The following CYFIP1 variants were observed in gnomAD, a reference collection of about 807,000 sequenced individuals.
CYFIP1 encodes cytoplasmic FMR1-interacting protein 1.
In CYFIP1, 58 loss-of-function variants were observed where a neutral mutation model predicts 163.5. The observed-to-expected ratio is 0.35, with a 90% CI of 0.29 to 0.44. The LOEUF (loss-of-function observed/expected upper bound fraction) is 0.44, where lower values mean the gene tolerates loss of function less well. Ranked by LOEUF, CYFIP1 falls within the 20% of genes least tolerant of loss-of-function variation. The pLI is 1.00. For synonymous variants in CYFIP1, 663 were observed against 660.7 expected (o/e 1.00, Z -0.05); for missense variants, 1,338 against 1,653.8 (o/e 0.81, Z 3.31).
chr15:22,967,543 C>G (rs949628242), intron 1 of CYFIP1, among the ~76,000 whole-genome samples: 1 of 152,184 alleles, frequency 6.6e-6, no homozygotes, highest in East Asian at 1.9e-4. Flanking sequence ...TTCACACACA[C>G]TTCCAGGGCC....
chr15:22,967,233 C>G (rs2062942991), intron 1 of CYFIP1, among the ~76,000 whole-genome samples: 2 of 152,160 alleles, frequency 1.3e-5, no homozygotes, highest in Non-Finnish European at 2.9e-5. Context: ...ATGGGCAGGT[C>G]ACCCACCACC....
At chr15:22,883,090 AACAC>A (rs756895689) in intron 23 of CYFIP1, 79 bp from the exon 24 acceptor site, 26 of 1,523,578 alleles carry the variant, frequency 1.7e-5, no homozygotes, top group Non-Finnish European at 2.3e-5. Flanking sequence ...AAGATCACTC[AACAC>A]ACACAGGCTC....
rs537205880 is a variant in CYFIP1 at position 22,939,835 on chromosome 15, G to C, written c.570-328C>G. On this transcript the variant is annotated intron_variant, in intron 6 of 30. Coordinates refer to ENST00000617928, the MANE Select transcript of CYFIP1 (RefSeq NM_014608.6). The stretch of plus-strand genomic sequence containing the variant: ...TGGTGGACGCCCACCTCATCTAGGG[G>C]GCACAGGGCTCCTGGACCCCGAGTC... 6.6e-4 allele frequency among the ~76,000 whole-genome samples: 100 copies of C among 152,084 alleles called. 1 individual carries two copies. Among genetic ancestry groups the C allele is most frequent in the Non-Finnish European group, 1.2e-3 (82 of 68,024 alleles).
In CYFIP1 at chr15:22,868,063, C is replaced by G. The variant is rs2059259767; in HGVS notation, c.*1965G>C. 1 of 152,224 alleles carries G rather than the reference C, an allele frequency of 6.6e-6. No homozygotes were observed. Among genetic ancestry groups the G allele is most frequent in the South Asian group, 2.1e-4 (1 of 4,834 alleles). The allele number at this position is 152,224 out of a possible 1,614,324, so 9.4% of individuals were successfully genotyped here. A position where few individuals can be genotyped will look rare whatever the true frequency, so the allele number is the denominator to read the frequency against. ...CCTGTGGCTCCTGCCTGGAGGTTAC[C>G]CAGTGGTGCGCCAGCGCCAAGCCAT... On this transcript the variant is annotated 3_prime_UTR_variant, in exon 31 of 31. Transcript: ENST00000617928.
intron 12 of CYFIP1, among the ~76,000 whole-genome samples, chr15:22,926,998 C>A (rs2061376473): frequency 6.6e-6 from 1 of 152,092 alleles, no homozygotes. Context: ...CCCTATTATG[C>A]ATCAATACAA....
chr15:22,922,883 T>G (rs375827596), intron 13 of CYFIP1, among the ~76,000 whole-genome samples: 1 of 151,814 alleles, frequency 6.6e-6, no homozygotes, highest in Non-Finnish European at 1.5e-5. Flanking sequence ...TCCCAGCTAC[T>G]TGGGAGGCTG....
intron 23 of CYFIP1, among the ~76,000 whole-genome samples, chr15:22,885,487 C>G (rs140124188): frequency 1.2e-4 from 19 of 152,144 alleles, no homozygotes; most frequent in Admixed American, 2.0e-4. Flanking sequence ...AATCCTAGCA[C>G]GTTGGGAGGC....
chr15:22,928,389 TAATAAATAAATAAATA>T (rs200548603), intron 11 of CYFIP1, among the ~76,000 whole-genome samples: 47,788 of 147,506 alleles, frequency 0.32, 8,290 homozygotes, highest in East Asian at 0.48. Flanking sequence ...TCTCAAAAAA[TAATAAATAAATAAATA>T]AATAAATAAA....
At chr15:22,973,912 G>A (rs1237123653) in intron 1 of CYFIP1, among the ~76,000 whole-genome samples, 1 of 152,122 alleles carries the variant, frequency 6.6e-6, no homozygotes, top group Non-Finnish European at 1.5e-5. Flanking sequence ...TGGCCAACAG[G>A]TGTATGAAAA....
At chr15:22,973,735 T>C (rs1041091427) in intron 1 of CYFIP1, among the ~76,000 whole-genome samples, 4 of 152,178 alleles carry the variant, frequency 2.6e-5, no homozygotes, top group African/African-American at 9.7e-5. Context: ...CTAAAAATGT[T>C]CTGCACAGCA....
chr15:22,933,445 G>C (rs2142235617), intron 10 of CYFIP1, among the ~76,000 whole-genome samples: 1 of 151,784 alleles, frequency 6.6e-6, no homozygotes, highest in East Asian at 1.9e-4. Context: ...CTCCCAAGTA[G>C]CTGGGACTAC....
At chr15:22,949,576 C>CA (rs1230794408) in intron 1 of CYFIP1, among the ~76,000 whole-genome samples, 2 of 152,008 alleles carry the variant, frequency 1.3e-5, no homozygotes, top group South Asian at 2.1e-4. Flanking sequence ...CGGTTAAAAG[C>CA]AAAAATCAAA....
intron 26 of CYFIP1, among the ~76,000 whole-genome samples, chr15:22,876,685 G>A (rs1435075950): frequency 6.6e-6 from 1 of 152,006 alleles, no homozygotes; most frequent in Non-Finnish European, 1.5e-5. Context: ...CACAAAATTA[G>A]CCGGGTGTGG....
chr15:22,898,899 G>A (rs1019956128), intron 22 of CYFIP1, among the ~76,000 whole-genome samples: 4 of 152,024 alleles, frequency 2.6e-5, no homozygotes, highest in Admixed American at 6.5e-5. Context: ...CTAATCGGGA[G>A]GCTAAGGCAG....
chr15:22,955,359 G>A (rs2062408869), intron 1 of CYFIP1, among the ~76,000 whole-genome samples: 1 of 152,222 alleles, frequency 6.6e-6, no homozygotes, highest in Admixed American at 6.5e-5. Context: ...CCAGTGCCGG[G>A]TGCCCACCCA....
At chr15:22,975,465 A>AAAG (rs2063236579) in intron 1 of CYFIP1, among the ~76,000 whole-genome samples, 1 of 135,128 alleles carries the variant, frequency 7.4e-6, no homozygotes, top group Non-Finnish European at 1.6e-5. Flanking sequence ...AAAAAAAAAA[A>AAAG]GGTTAAAGGC....
intron 22 of CYFIP1, 137 bp from the exon 23 acceptor site, chr15:22,893,114 G>C: frequency 4.6e-6 from 3 of 652,486 alleles, no homozygotes; most frequent in Non-Finnish European, 7.9e-6. Context: ...GAAAATTCTA[G>C]TGAATCGAAA....
intron 22 of CYFIP1, 50 bp from the exon 23 acceptor site, chr15:22,893,027 T>C: frequency 3.6e-6 from 5 of 1,380,944 alleles, no homozygotes; most frequent in Middle Eastern, 1.8e-4. Context: ...TTAACAATAG[T>C]TCTTTAAAAT....
In CYFIP1 at chr15:22,972,536, G is replaced by A. The variant is rs961472989; in HGVS notation, c.-7+7751C>T. Reference sequence around the variant, plus strand: ...ACATAAACCAATGGAACAGAATAGAGCCTGGAAATAAATGCATGCATTTGC... The same window carrying A: ...ACATAAACCAATGGAACAGAATAGAACCTGGAAATAAATGCATGCATTTGC... On this transcript the variant is annotated intron_variant, in intron 1 of 30. Coordinates refer to ENST00000617928, the MANE Select transcript of CYFIP1 (RefSeq NM_014608.6). Among the ~76,000 whole-genome samples, 3 of 152,254 alleles carry A rather than the reference G, an allele frequency of 2.0e-5. No homozygotes were observed. In the East Asian group the frequency reaches 5.8e-4, roughly 29 times the overall value.
Sources: allele counts gnomAD v4.1 joint callset (sites outside exome capture counted in the v4.1 genomes callset), GRCh38; gene constraint gnomAD v4.1.1; transcripts MANE v1.5; gene names NCBI Gene and HGNC (gene_info 2026-07-23, HGNC 2026-07-21).